Variants in LRRFIP1 observed in about 807,000 individuals in gnomAD.
LRRFIP1 encodes the protein leucine-rich repeat flightless-interacting protein 1.
A neutral mutation model predicts 104.4 loss-of-function variants in LRRFIP1; 62 were observed. The observed-to-expected ratio is 0.59, with a 90% CI of 0.48 to 0.73. The LOEUF is 0.73. LRRFIP1 is among the 30% of genes least tolerant of loss of function. The pLI is 0.00. For synonymous variants in LRRFIP1, 300 were observed against 299.0 expected (o/e 1.00, Z -0.03); for missense variants, 796 against 824.5 (o/e 0.97, Z 0.42).
chr2:237,656,402 C>T (rs142644055), intron 1 of LRRFIP1, among the ~76,000 whole-genome samples: 1 of 152,164 alleles, frequency 6.6e-6, no homozygotes, highest in Non-Finnish European at 1.5e-5. Flanking sequence ...GCATTTGTTT[C>T]TGCCCAATTT....
intron 15 of LRRFIP1, among the ~76,000 whole-genome samples, 171 bp from the exon 16 acceptor site, chr2:237,755,924 A>G (rs745938004): frequency 1.3e-5 from 2 of 152,150 alleles, no homozygotes; most frequent in Non-Finnish European, 2.9e-5. Context: ...ACAGAGCAAG[A>G]CTCCATCTCA....
At position 237,708,613 on chromosome 2, in the gene LRRFIP1, G is replaced by C. The variant is rs1231419184; in HGVS notation, c.166G>C (p.Glu56Gln). 6.2e-7 allele frequency: 1 copy of C among 1,600,286 alleles called. No homozygotes were observed. The highest frequency in any genetic ancestry group is 8.5e-7 in the Non-Finnish European group (1 of 1,171,788). ...EAREIRMKEL[E>Q]RQQKEIYQVQ... ...TCGCGAGATCCGCATGAAGGAGCTG[G>C]AGCGGCAGCAGAAGGAGGTAACGCT... is the stretch of plus-strand genomic sequence containing the variant. The change falls in exon 2 of 24, where the codon GAG becomes CAG. Residue 56 changes from glutamate (E) to glutamine (Q), a missense_variant. Transcript: ENST00000308482.
At chr2:237,710,499 A>T (rs1031137252) in intron 2 of LRRFIP1, among the ~76,000 whole-genome samples, 1 of 151,954 alleles carries the variant, frequency 6.6e-6, no homozygotes, top group African/African-American at 2.4e-5. Flanking sequence ...GTTAGCCAGG[A>T]TGGTCTCCAA....
Position 237,758,799 on chromosome 2 carries a change from T to C in LRRFIP1, c.1295T>C (p.Val432Ala). 6.2e-7 allele frequency: 1 copy of C among 1,612,588 alleles called. No homozygotes were observed. The highest frequency in any genetic ancestry group is 8.5e-7 in the Non-Finnish European group (1 of 1,179,336). The stretch of plus-strand genomic sequence containing the variant: ...CGGGATGATCTTAGAGAAGAAGTAG[T>C]CATGCTGAAAGAGGAATTAAAGGTA... ...SERDDLREEV[V>A]MLKEELKKHG... Residue 432 changes from valine (V) to alanine (A), a missense_variant, in exon 18 of 24, where the codon GTC becomes GCC. Physicochemically the swap from Val to Ala is moderately conservative, Grantham distance 64. Transcript: ENST00000308482.
chr2:237,729,712 A>T (rs1273325331), intron 8 of LRRFIP1: 1 of 750,432 alleles, frequency 1.3e-6, no homozygotes, highest in Non-Finnish European at 1.6e-6. Flanking sequence ...TTTGAATGGG[A>T]TGGGGGTGCT....
intron 1 of LRRFIP1, among the ~76,000 whole-genome samples, chr2:237,640,215 G>A (rs549151928): frequency 6.6e-6 from 1 of 152,286 alleles, no homozygotes; most frequent in African/African-American, 2.4e-5. Flanking sequence ...TTTAGAAGTC[G>A]GCTGCAGGCT....
intron 8 of LRRFIP1, among the ~76,000 whole-genome samples, chr2:237,732,379 C>T (rs2095050494): frequency 6.6e-6 from 1 of 152,198 alleles, no homozygotes; most frequent in Non-Finnish European, 1.5e-5. Context: ...GCCTGGCTCC[C>T]ACACCCCTGT....
At chr2:237,757,686 T>A (rs2059411817) in intron 17 of LRRFIP1, 138 bp downstream of exon 17, 2 of 671,844 alleles carry the variant, frequency 3.0e-6, no homozygotes, top group Non-Finnish European at 5.3e-6. Flanking sequence ...TCGTATTAAT[T>A]TATTTAATTT....
At chr2:237,645,525 G>A (rs1340282691) in intron 1 of LRRFIP1, among the ~76,000 whole-genome samples, 1 of 151,938 alleles carries the variant, frequency 6.6e-6, no homozygotes, top group Non-Finnish European at 1.5e-5. Flanking sequence ...AGGTGCCAGG[G>A]GCAGCTGCTC....
chr2:237,676,434 C>T (rs954690867), intron 1 of LRRFIP1, among the ~76,000 whole-genome samples: 1 of 152,200 alleles, frequency 6.6e-6, no homozygotes, highest in Admixed American at 6.5e-5. Flanking sequence ...GGGGACATGA[C>T]AGCTTTCCAT....
At chr2:237,736,624 G>A (rs2095256541) in intron 10 of LRRFIP1, among the ~76,000 whole-genome samples, 1 of 152,190 alleles carries the variant, frequency 6.6e-6, no homozygotes, top group South Asian at 2.1e-4. Flanking sequence ...GTCAGCCCTA[G>A]ATCCTTGGCC....
At chr2:237,642,922 G>A (rs1284340900) in intron 1 of LRRFIP1, among the ~76,000 whole-genome samples, 2 of 152,220 alleles carry the variant, frequency 1.3e-5, no homozygotes, top group African/African-American at 4.8e-5. Flanking sequence ...GAGAGGGAAG[G>A]AAGGGCTGCA....
At chr2:237,681,735 A>C (rs1234930071) in intron 1 of LRRFIP1, among the ~76,000 whole-genome samples, 1 of 108,516 alleles carries the variant, frequency 9.2e-6, no homozygotes, top group Non-Finnish European at 1.8e-5. Context: ...GCTGGAGTGC[A>C]GTGGCGGGAT....
At chr2:237,767,185 G>A (rs918027061) in intron 19 of LRRFIP1, among the ~76,000 whole-genome samples, 1 of 151,664 alleles carries the variant, frequency 6.6e-6, no homozygotes, top group African/African-American at 2.4e-5. Flanking sequence ...CAAAAAAAAA[G>A]AAAGAAAAGA....
At chr2:237,704,229 C>T (rs576180581) in intron 1 of LRRFIP1, among the ~76,000 whole-genome samples, 11 of 151,582 alleles carry the variant, frequency 7.3e-5, no homozygotes, top group African/African-American at 2.2e-4. Flanking sequence ...CTTGGCTCAC[C>T]GCAACCTCCA....
intron 1 of LRRFIP1, among the ~76,000 whole-genome samples, chr2:237,700,053 C>T (rs528415975): frequency 2.0e-5 from 3 of 152,314 alleles, no homozygotes; most frequent in South Asian, 2.1e-4. Flanking sequence ...CCTTGCGTTG[C>T]GGAGGTGCTA....
At position 237,692,635 on chromosome 2, in the gene LRRFIP1, G is replaced by C. The variant is rs1482859541; in HGVS notation, c.97-15909G>C. 6 of 1,299,278 alleles carry C rather than the reference G, an allele frequency of 4.6e-6. No homozygotes were observed. The East Asian group carries it at 1.9e-4, about 41-fold the overall frequency. 80.5% of individuals were successfully genotyped at this position (1,299,278 alleles called of 1,614,324 possible). ...CAGGTGCCCGGGAGGCGTGGGGTGG[G>C]CTCTGGCGGGACCCCAGCGCGGTGG... On this transcript the variant is annotated intron_variant, in intron 1 of 23. Coordinates refer to ENST00000308482, the MANE Select transcript of LRRFIP1 (RefSeq NM_001137550.2).
At chr2:237,716,509 A>G (rs1323025435) in intron 3 of LRRFIP1, among the ~76,000 whole-genome samples, 1 of 152,248 alleles carries the variant, frequency 6.6e-6, no homozygotes, top group African/African-American at 2.4e-5. Flanking sequence ...GAAAGAGATA[A>G]GACCGTCTGA....
At chr2:237,731,504 A>G (rs2095010076) in intron 8 of LRRFIP1, among the ~76,000 whole-genome samples, 1 of 151,110 alleles carries the variant, frequency 6.6e-6, no homozygotes, top group Non-Finnish European at 1.5e-5. Context: ...GTCCCCCAAT[A>G]TGTGAATTTT....
Sources: gnomAD v4.1 joint callset for allele counts (sites outside exome capture counted in the v4.1 genomes callset) on GRCh38, gnomAD v4.1.1 for gene constraint, MANE v1.5 for transcripts, NCBI Gene and HGNC (gene_info 2026-07-23, HGNC 2026-07-21) for gene names.